The following GABRG1 variants were observed in gnomAD, a reference collection of about 807,000 sequenced individuals.
GABRG1 encodes the protein gamma-aminobutyric acid type A receptor subunit gamma1, also known as gamma-aminobutyric acid receptor subunit gamma-1.
In GABRG1, 49 loss-of-function variants were observed where a neutral mutation model predicts 49.8. That is an observed-to-expected ratio of 0.98 (90% CI 0.78 to 1.25). The LOEUF is 1.25. GABRG1 is among the 50% of genes most tolerant of loss of function. GABRG1 has a pLI of 0.00. For synonymous variants in GABRG1, 232 were observed against 185.1 expected (o/e 1.25, Z -2.06); for missense variants, 552 against 552.3 (o/e 1.00, Z 0.01).
chr4:46,088,100 T>C (rs1032636891), intron 2 of GABRG1, among the ~76,000 whole-genome samples: 2 of 152,028 alleles, frequency 1.3e-5, no homozygotes, highest in African/African-American at 2.4e-5. Context: ...TTTCAGTAAG[T>C]TTTAATGAAC....
At chr4:46,101,593 C>T (rs1040242322) in intron 1 of GABRG1, among the ~76,000 whole-genome samples, 57 of 151,640 alleles carry the variant, frequency 3.8e-4, no homozygotes, top group African/African-American at 1.2e-3. Flanking sequence ...GCTAGGAATA[C>T]AAAGACAAAT....
intron 1 of GABRG1, among the ~76,000 whole-genome samples, chr4:46,123,531 C>G (rs1191005929): frequency 6.6e-6 from 1 of 152,074 alleles, no homozygotes; most frequent in Non-Finnish European, 1.5e-5. Context: ...CCCTCACTCC[C>G]TCCCAGTAAC....
chr4:46,078,680 T>C (rs928303664), intron 3 of GABRG1, among the ~76,000 whole-genome samples: 1 of 151,996 alleles, frequency 6.6e-6, no homozygotes, highest in Non-Finnish European at 1.5e-5. Context: ...GAGAGTTTAT[T>C]ATCAAAATGA....
At chr4:46,115,318 A>G (rs1720849375) in intron 1 of GABRG1, among the ~76,000 whole-genome samples, 1 of 150,674 alleles carries the variant, frequency 6.6e-6, no homozygotes, top group African/African-American at 2.4e-5. Context: ...ATAAAAGTGA[A>G]TTATCAGTTT....
At position 46,041,032 on chromosome 4, in the gene GABRG1, C is replaced by A; in HGVS notation, c.1354G>T (p.Ala452Ser). ...ACCCAATAAACCAAGTTGAACAGGG[C>A]AAAAGCGGTTGGGAAAAATATTCTA... ...YSRIFFPTAF[A>S]LFNLVYWVGY... Residue 452 changes from alanine to serine, a missense_variant, in exon 9 of 9, where the codon GCC becomes TCC. Transcript: ENST00000295452. 1.2e-6 allele frequency: 2 copies of A among 1,612,772 alleles called. No homozygotes were observed. The highest frequency in any genetic ancestry group is 1.7e-6 in the Non-Finnish European group (2 of 1,179,174).
chr4:46,056,146 TAAATTA>T (rs1718425381), intron 7 of GABRG1, among the ~76,000 whole-genome samples: 1 of 5,678 alleles, frequency 1.8e-4, no homozygotes, highest in Non-Finnish European at 2.7e-4. Flanking sequence ...AATAAATAAA[TAAATTA>T]AAAAAAAAAA....
chr4:46,114,354 A>G (rs1397459075), intron 1 of GABRG1, among the ~76,000 whole-genome samples: 1 of 151,066 alleles, frequency 6.6e-6, no homozygotes, highest in Non-Finnish European at 1.5e-5. Context: ...CTTAACATAC[A>G]TAGAGAGATG....
intron 3 of GABRG1, among the ~76,000 whole-genome samples, chr4:46,074,181 T>C (rs1719242435): frequency 6.6e-6 from 1 of 152,184 alleles, no homozygotes; most frequent in Admixed American, 6.6e-5. Context: ...AATTGCTGTA[T>C]GATCTGAATG....
Position 46,059,393 on chromosome 4 carries a change from C to CT in GABRG1, c.626-772dup, listed in dbSNP as rs564782301. 1.3e-3 allele frequency among the ~76,000 whole-genome samples: 186 copies of CT among 143,994 alleles called. 2 individuals are homozygous for CT. The highest frequency in any genetic ancestry group is 0.011 in the Middle Eastern group (3 of 282). The allele number at this position is 143,994 out of a possible 152,430, so 94.5% of individuals were successfully genotyped here. A position where few individuals can be genotyped will look rare whatever the true frequency, so the allele number is the denominator to read the frequency against. On this transcript the variant is annotated intron_variant, in intron 5 of 8. Transcript: ENST00000295452. ...ATAGAGAGTATACTAACATATTCTCCTTTTTTTTTTTTAGACGGAGTCTCA... is the reference window on the plus strand; with the variant it reads ...ATAGAGAGTATACTAACATATTCTCCTTTTTTTTTTTTTAGACGGAGTCTCA...
chr4:46,078,932 A>G (rs1448317301), intron 3 of GABRG1, among the ~76,000 whole-genome samples: 1 of 151,946 alleles, frequency 6.6e-6, no homozygotes, highest in African/African-American at 2.4e-5. Context: ...TAGCCTATCT[A>G]CATTAAGGTT....
chr4:46,114,246 A>T (rs2109442876), intron 1 of GABRG1, among the ~76,000 whole-genome samples: 1 of 151,226 alleles, frequency 6.6e-6, no homozygotes, highest in African/African-American at 2.4e-5. Flanking sequence ...AGCTGAAGCA[A>T]GCACTAAACC....
rs1425128435 is a variant in GABRG1 at position 46,123,934 on chromosome 4, T to C, written c.-21A>G. ...CCCATCGGAATCGCTTTTTTACGTG[T>C]GCTGCACTAGCTCAATTCTCCCAGC... is the stretch of plus-strand genomic sequence containing the variant. On this transcript the variant is annotated 5_prime_UTR_variant, in exon 1 of 9. Transcript: ENST00000295452. 1 of 1,567,408 alleles carries C rather than the reference T, an allele frequency of 6.4e-7. No homozygotes were observed. Among genetic ancestry groups the C allele is most frequent in the East Asian group, 2.2e-5 (1 of 44,500 alleles).
In GABRG1 at chr4:46,039,299, T is replaced by C. The variant is rs1717663016; in HGVS notation, c.*1689A>G. ...GCATTACCATTTGATTCATGCTTATTTTTTTCCAGAAGTTTATGAGCAAGT... is the reference window on the plus strand; with the variant it reads ...GCATTACCATTTGATTCATGCTTATCTTTTTCCAGAAGTTTATGAGCAAGT... On this transcript the variant is annotated 3_prime_UTR_variant, in exon 9 of 9. Transcript: ENST00000295452. 1 of 151,536 alleles carries C rather than the reference T, an allele frequency of 6.6e-6. No individual in the cohort carries two copies. The highest frequency in any genetic ancestry group is 1.5e-5 in the Non-Finnish European group (1 of 67,690). The allele number at this position is 151,536 out of a possible 1,614,324, so 9.4% of individuals were successfully genotyped here.
intron 3 of GABRG1, among the ~76,000 whole-genome samples, chr4:46,077,039 G>C (rs543010426): frequency 1.1e-3 from 165 of 148,532 alleles, no homozygotes; most frequent in African/African-American, 3.9e-3. Flanking sequence ...TTTCTTAAAA[G>C]TAATGACATA....
chr4:46,090,675 A>G (rs1375190216), intron 2 of GABRG1, among the ~76,000 whole-genome samples: 1 of 152,020 alleles, frequency 6.6e-6, no homozygotes, highest in African/African-American at 2.4e-5. Context: ...TTTTAAATAA[A>G]CACACACAGA....
At chr4:46,080,762 C>T (rs930212914) in intron 3 of GABRG1, among the ~76,000 whole-genome samples, 2 of 151,702 alleles carry the variant, frequency 1.3e-5, no homozygotes, top group Admixed American at 1.3e-4. Context: ...AAAACATAAA[C>T]CCCAAACGAA....
At chr4:46,042,548 C>A (rs537973222) in intron 8 of GABRG1, among the ~76,000 whole-genome samples, 1 of 151,872 alleles carries the variant, frequency 6.6e-6, no homozygotes. Context: ...TTTTCCCATG[C>A]AAATGTTTGT....
intron 3 of GABRG1, among the ~76,000 whole-genome samples, chr4:46,073,580 T>C (rs28628814): frequency 0.57 from 86,286 of 151,782 alleles, 25,052 homozygotes; most frequent in African/African-American, 0.64. Context: ...TAAGTCTAAC[T>C]TGCATGGAGC....
chr4:46,123,843 A>G lies in GABRG1; in HGVS notation c.71T>C (p.Val24Ala), dbSNP rs1721170834. Residue 24 changes from valine to alanine, a missense_variant, in exon 1 of 9, where the codon GTC (valine) becomes GCC (alanine). By Grantham distance (64) the Val-to-Ala change is moderately conservative. Coordinates refer to ENST00000295452, the MANE Select transcript of GABRG1 (RefSeq NM_173536.4). Reference protein sequence around the residue: ...LRSQSRGVRLVFLLLTLHLGN... With the variant: ...LRSQSRGVRLAFLLLTLHLGN... Reference sequence around the variant, plus strand: ...CAAATGCAGGGTCAGTAACAAGAAGACCAACCTCACCCCTCTACTTTGACT... The same window carrying G: ...CAAATGCAGGGTCAGTAACAAGAAGGCCAACCTCACCCCTCTACTTTGACT... The G allele has an allele frequency of 6.2e-7, 1 of 1,613,574 alleles. No individual in the cohort carries two copies. The highest frequency in any genetic ancestry group is 1.3e-5 in the African/African-American group (1 of 74,882).
Sources: gnomAD v4.1 joint callset for allele counts (sites outside exome capture counted in the v4.1 genomes callset) on GRCh38, gnomAD v4.1.1 for gene constraint, MANE v1.5 for transcripts, NCBI Gene and HGNC (gene_info 2026-07-23, HGNC 2026-07-21) for gene names.